Variants in CCDC170 observed in about 807,000 individuals in gnomAD.
The protein encoded by CCDC170 is coiled-coil domain containing 170.
In CCDC170, 69 loss-of-function variants were observed where a neutral mutation model predicts 72.6. The observed-to-expected ratio is 0.95, with a 90% CI of 0.78 to 1.16. The LOEUF is 1.16. Among genes scored for constraint, CCDC170 ranks in the 50% most tolerant of loss-of-function variants. CCDC170 has a pLI of 0.00. For synonymous variants in CCDC170, 300 were observed against 303.9 expected (o/e 0.99, Z 0.13); for missense variants, 852 against 832.5 (o/e 1.02, Z -0.29).
chr6:151,602,369 T>C (rs1776722337), intron 9 of CCDC170, among the ~76,000 whole-genome samples: 1 of 152,210 alleles, frequency 6.6e-6, no homozygotes, highest in South Asian at 2.1e-4. Flanking sequence ...TGTTTCTTAA[T>C]ATTATGAAAT....
chr6:151,517,709 T>A (rs1245568988), intron 1 of CCDC170, among the ~76,000 whole-genome samples: 1 of 152,092 alleles, frequency 6.6e-6, no homozygotes, highest in African/African-American at 2.4e-5. Flanking sequence ...CCCAAAGTGC[T>A]GGGATTACAG....
At chr6:151,568,473 A>G (rs989274200) in intron 5 of CCDC170, among the ~76,000 whole-genome samples, 2 of 152,198 alleles carry the variant, frequency 1.3e-5, no homozygotes, top group African/African-American at 2.4e-5. Flanking sequence ...TTGTGCTCAT[A>G]TCACTGTTGA....
intron 5 of CCDC170, among the ~76,000 whole-genome samples, chr6:151,550,535 C>T (rs1342613157): frequency 2.0e-5 from 3 of 152,186 alleles, no homozygotes; most frequent in Non-Finnish European, 4.4e-5. Flanking sequence ...GCACCACTAG[C>T]TTTATTCTCC....
intron 3 of CCDC170, among the ~76,000 whole-genome samples, chr6:151,539,184 T>TG (rs1782640900): frequency 6.6e-6 from 1 of 151,914 alleles, no homozygotes; most frequent in Non-Finnish European, 1.5e-5. Flanking sequence ...TGCTTGAACC[T>TG]GGACAGGTGG....
intron 3 of CCDC170, 98 bp downstream of exon 3, chr6:151,538,399 C>A (rs1433711795): frequency 1.6e-6 from 2 of 1,225,388 alleles, no homozygotes; most frequent in Non-Finnish European, 2.3e-6. Context: ...TTTTGCATTA[C>A]TTGGCCCTTA....
intron 10 of CCDC170, 66 bp from the exon 11 acceptor site, chr6:151,617,881 A>G (rs1459814085): frequency 1.3e-6 from 2 of 1,498,646 alleles, no homozygotes; most frequent in South Asian, 2.5e-5. Flanking sequence ...TGTTTGTTGC[A>G]TTTGGCTCAG....
chr6:151,548,032 G>A (rs1237121443), intron 4 of CCDC170, among the ~76,000 whole-genome samples: 1 of 152,206 alleles, frequency 6.6e-6, no homozygotes, highest in Non-Finnish European at 1.5e-5. Context: ...CTTACCTGAT[G>A]TATTTAGCAG....
chr6:151,607,029 T>C (rs12210307), intron 9 of CCDC170, among the ~76,000 whole-genome samples: 65,347 of 151,938 alleles, frequency 0.43, 16,598 homozygotes, highest in Non-Finnish European at 0.58. Flanking sequence ...AGGCAGCATA[T>C]AGTTGAGTTT....
chr6:151,589,536 T>C (rs1776503263), intron 7 of CCDC170, among the ~76,000 whole-genome samples: 2 of 152,154 alleles, frequency 1.3e-5, no homozygotes. Flanking sequence ...CTGTAAATCC[T>C]GTCTCCTTAC....
chr6:151,568,433 GA>G (rs1776170333), intron 5 of CCDC170, among the ~76,000 whole-genome samples: 1 of 152,172 alleles, frequency 6.6e-6, no homozygotes, highest in Non-Finnish European at 1.5e-5. Context: ...GGGAAGGGGG[GA>G]ATGGGTGTGT....
intron 3 of CCDC170, 25 bp downstream of exon 3, chr6:151,538,326 C>G: frequency 6.3e-7 from 1 of 1,595,356 alleles, no homozygotes; most frequent in Non-Finnish European, 8.6e-7. Context: ...ATATATTTTT[C>G]GCTTTAGCTA....
rs1488488174 is a variant in CCDC170 at position 151,591,602 on chromosome 6, C to T, written c.1294-1505C>T. 3.3e-5 allele frequency among the ~76,000 whole-genome samples: 5 copies of T among 152,114 alleles called. No homozygotes were observed. In the East Asian group the frequency reaches 5.8e-4, roughly 18 times the overall value. On this transcript the variant is annotated intron_variant, in intron 7 of 10. Coordinates refer to ENST00000239374, the MANE Select transcript of CCDC170 (RefSeq NM_025059.4). ...CTCCGCCTCCCAGGTTCACACCATTCTCCTGCCTCAGCCTCCCAAGTAGCT... is the reference window on the plus strand; with the variant it reads ...CTCCGCCTCCCAGGTTCACACCATTTTCCTGCCTCAGCCTCCCAAGTAGCT...
intron 5 of CCDC170, among the ~76,000 whole-genome samples, chr6:151,565,129 A>G (rs942299058): frequency 1.3e-5 from 2 of 152,128 alleles, no homozygotes; most frequent in Non-Finnish European, 2.9e-5. Flanking sequence ...TGGCCCTGGC[A>G]GCAGCAGCCA....
At chr6:151,500,277 T>C (rs77841329) in intron 1 of CCDC170, among the ~76,000 whole-genome samples, 2,701 of 151,376 alleles carry the variant, frequency 0.018, 80 homozygotes, top group African/African-American at 0.063. Context: ...GATCTGACTC[T>C]AGTTGCATGT....
rs9479084 is a variant in CCDC170, at chr6:151,612,780, G to A, written c.1711-2663G>A. 4.4e-3 allele frequency among the ~76,000 whole-genome samples: 662 copies of A among 152,116 alleles called. 7 individuals carry two copies. The highest frequency in any genetic ancestry group is 0.015 in the African/African-American group (633 of 41,488). ...GGGATGGGAGGGAAGGAAGAAAACA[G>A]CAAATACTTATTATTTGGTGTCTTT... On this transcript the variant is annotated intron_variant, in intron 9 of 10. Transcript: ENST00000239374.
chr6:151,594,660 T>TC (rs1462571164), intron 8 of CCDC170, among the ~76,000 whole-genome samples: 1 of 151,802 alleles, frequency 6.6e-6, no homozygotes, highest in Non-Finnish European at 1.5e-5. Flanking sequence ...TCTTTTCTTT[T>TC]TTTTTTTTGA....
intron 6 of CCDC170, among the ~76,000 whole-genome samples, chr6:151,577,950 G>T (rs975386360): frequency 2.0e-5 from 3 of 152,142 alleles, no homozygotes; most frequent in Non-Finnish European, 2.9e-5. Flanking sequence ...GTGACAAAAA[G>T]GCTGGTGATC....
intron 6 of CCDC170, among the ~76,000 whole-genome samples, chr6:151,581,187 C>G (rs1277820828): frequency 6.6e-6 from 1 of 151,890 alleles, no homozygotes; most frequent in East Asian, 1.9e-4. Context: ...TTTTTTTTCT[C>G]AAAAGATTTC....
At chr6:151,499,765 T>C (rs1448611387) in intron 1 of CCDC170, among the ~76,000 whole-genome samples, 1 of 152,236 alleles carries the variant, frequency 6.6e-6, no homozygotes, top group Non-Finnish European at 1.5e-5. Flanking sequence ...TGATGTAACA[T>C]GTATCAGAAT....
Sources: gnomAD v4.1 joint callset for allele counts (sites outside exome capture counted in the v4.1 genomes callset) on GRCh38, gnomAD v4.1.1 for gene constraint, MANE v1.5 for transcripts, NCBI Gene and HGNC (gene_info 2026-07-23, HGNC 2026-07-21) for gene names.